Variants in GPC6 observed in about 807,000 individuals in gnomAD.
GPC6 encodes glypican 6, also known as glypican-6.
A neutral mutation model predicts 55.2 loss-of-function variants in GPC6; 14 were observed. That is an observed-to-expected ratio of 0.25 (90% CI 0.17 to 0.40). The LOEUF is 0.40. Ranked by LOEUF, GPC6 falls within the 10% of genes least tolerant of loss-of-function variation. GPC6 has a pLI of 1.00. For missense variants in GPC6, 641 were observed against 708.5 expected (o/e 0.90, Z 1.08); for synonymous variants, 278 against 259.6 (o/e 1.07, Z -0.68).
At chr13:94,128,830 A>G (rs1017885190) in intron 4 of GPC6, among the ~76,000 whole-genome samples, 1 of 152,188 alleles carries the variant, frequency 6.6e-6, no homozygotes, top group Non-Finnish European at 1.5e-5. Flanking sequence ...AGGTCGGAGA[A>G]TCACAAATGT....
At chr13:94,346,019 T>C (rs1024751610) in intron 6 of GPC6, among the ~76,000 whole-genome samples, 1 of 152,154 alleles carries the variant, frequency 6.6e-6, no homozygotes, top group Non-Finnish European at 1.5e-5. Context: ...TGGAAAATCC[T>C]TGGCTTGCAG....
chr13:94,231,031 T>G (rs1174395874), intron 4 of GPC6, among the ~76,000 whole-genome samples: 2 of 152,184 alleles, frequency 1.3e-5, no homozygotes, highest in African/African-American at 4.8e-5. Flanking sequence ...TTAAAAAGAA[T>G]GTACAGAAGC....
At chr13:93,359,762 G>C (rs1166055772) in intron 1 of GPC6, among the ~76,000 whole-genome samples, 1 of 152,156 alleles carries the variant, frequency 6.6e-6, no homozygotes, top group Non-Finnish European at 1.5e-5. Flanking sequence ...TTTACCTGGA[G>C]GAAGGCAAGG....
chr13:93,458,719 A>G (rs1878565722), intron 1 of GPC6, among the ~76,000 whole-genome samples: 1 of 152,186 alleles, frequency 6.6e-6, no homozygotes, highest in Non-Finnish European at 1.5e-5. Context: ...CCTAGACTCC[A>G]TGGTATGTAT....
At chr13:94,272,463 CTTTTTTTTTTTT>C (rs555664508) in intron 4 of GPC6, among the ~76,000 whole-genome samples, 102 of 85,748 alleles carry the variant, frequency 1.2e-3, no homozygotes, top group African/African-American at 5.6e-3. Flanking sequence ...CTTTTCTTTT[CTTTTTTTTTTTT>C]TTTTTTTTTT....
At chr13:93,824,049 T>A (rs1189056164) in intron 2 of GPC6, among the ~76,000 whole-genome samples, 2 of 152,150 alleles carry the variant, frequency 1.3e-5, no homozygotes, top group Admixed American at 6.5e-5. Context: ...TTTAAAAAAA[T>A]CTTTATATAA....
At chr13:93,863,767 A>G (rs961239404) in intron 3 of GPC6, among the ~76,000 whole-genome samples, 3 of 151,778 alleles carry the variant, frequency 2.0e-5, no homozygotes, top group Admixed American at 2.0e-4. Context: ...TATGAGACAA[A>G]TGAGTCTAGT....
chr13:94,386,309 G>T (rs1343708635), intron 7 of GPC6, among the ~76,000 whole-genome samples: 1 of 151,142 alleles, frequency 6.6e-6, no homozygotes, highest in Non-Finnish European at 1.5e-5. Flanking sequence ...GCAGTGAGCA[G>T]AGATCACACC....
chr13:93,831,985 G>A (rs112891590), intron 3 of GPC6, among the ~76,000 whole-genome samples: 1 of 145,336 alleles, frequency 6.9e-6, no homozygotes, highest in East Asian at 2.1e-4. Context: ...AGCTACTCTG[G>A]AGGCTGAGGC....
intron 2 of GPC6, among the ~76,000 whole-genome samples, chr13:93,585,774 T>C (rs1488001764): frequency 6.6e-6 from 1 of 152,050 alleles, no homozygotes; most frequent in Non-Finnish European, 1.5e-5. Flanking sequence ...CAGTGGAGAG[T>C]AAATGTCAGC....
At chr13:93,810,266 G>A (rs983017767) in intron 2 of GPC6, among the ~76,000 whole-genome samples, 12 of 152,134 alleles carry the variant, frequency 7.9e-5, no homozygotes, top group South Asian at 4.1e-4. Flanking sequence ...CATTGAGTCC[G>A]TTTCACTATA....
At chr13:94,057,977 C>T (rs9516336) in intron 4 of GPC6, among the ~76,000 whole-genome samples, 19,159 of 152,156 alleles carry the variant, frequency 0.13, 1,544 homozygotes, top group East Asian at 0.19. Flanking sequence ...AGATTCTGGT[C>T]ATTACCCCAA....
intron 1 of GPC6, among the ~76,000 whole-genome samples, chr13:93,490,508 T>A (rs1476590060): frequency 5.0e-5 from 6 of 120,292 alleles, no homozygotes; most frequent in Non-Finnish European, 1.1e-4. Context: ...TCTTTTTTTT[T>A]TTTGAGTTTT....
intron 4 of GPC6, among the ~76,000 whole-genome samples, chr13:94,126,157 A>G (rs969619483): frequency 2.0e-5 from 3 of 152,146 alleles, no homozygotes; most frequent in African/African-American, 7.2e-5. Flanking sequence ...AGGCAGGAGG[A>G]TCACTTTGAG....
At chr13:94,295,470 C>T (rs1331458548) in intron 5 of GPC6, among the ~76,000 whole-genome samples, 1 of 152,016 alleles carries the variant, frequency 6.6e-6, no homozygotes, top group East Asian at 1.9e-4. Flanking sequence ...CAATCCACAC[C>T]CCTTCATTAA....
intron 1 of GPC6, among the ~76,000 whole-genome samples, chr13:93,327,955 A>G (rs1208597490): frequency 6.6e-6 from 1 of 152,112 alleles, no homozygotes; most frequent in Non-Finnish European, 1.5e-5. Context: ...TTCAGGGAAG[A>G]TAATGCAGAG....
intron 1 of GPC6, among the ~76,000 whole-genome samples, chr13:93,382,612 T>A (rs956492701): frequency 6.6e-6 from 1 of 152,182 alleles, no homozygotes; most frequent in African/African-American, 2.4e-5. Flanking sequence ...ATCCTTAGGT[T>A]TCTAGAGCTA....
intron 1 of GPC6, among the ~76,000 whole-genome samples, chr13:93,492,381 G>C (rs1377455204): frequency 6.9e-6 from 1 of 145,308 alleles, no homozygotes; most frequent in Non-Finnish European, 1.5e-5. Context: ...TGTATCCTGA[G>C]ACTTTGCTGA....
chr13:93,791,029 G>A (rs1298794983), intron 2 of GPC6, among the ~76,000 whole-genome samples: 3 of 152,160 alleles, frequency 2.0e-5, no homozygotes. Flanking sequence ...CCATGGAGGA[G>A]CCTCAACCGT....
Sources: gnomAD v4.1 joint callset for allele counts (sites outside exome capture counted in the v4.1 genomes callset) on GRCh38, gnomAD v4.1.1 for gene constraint, MANE v1.5 for transcripts, NCBI Gene and HGNC (gene_info 2026-07-23, HGNC 2026-07-21) for gene names.